The following FAM193A variants were observed in gnomAD, a reference collection of about 807,000 sequenced individuals.
The protein encoded by FAM193A is family with sequence similarity 193 member A.
FAM193A carries 22 observed loss-of-function variants against 126.5 expected under a neutral mutation model. That is an observed-to-expected ratio of 0.17 (90% CI 0.12 to 0.25). FAM193A has a LOEUF of 0.25. FAM193A is among the 10% of genes least tolerant of loss of function. The pLI is 1.00. For synonymous variants in FAM193A, 761 were observed against 646.8 expected, an observed-to-expected ratio of 1.18 and a Z score of -2.68; for missense variants, 1,675 against 1,672.8, an observed-to-expected ratio of 1.00 and a Z score of -0.02.
intron 2 of FAM193A, chr4:2,607,903 CT>C: frequency 1.0e-6 from 1 of 1,004,364 alleles, no homozygotes; most frequent in Non-Finnish European, 1.4e-6. Context: ...TCTTTTTTGT[CT>C]GTTTTTCACT....
At chr4:2,702,036 T>G (rs1322048144) in intron 19 of FAM193A, among the ~76,000 whole-genome samples, 1 of 152,196 alleles carries the variant, frequency 6.6e-6, no homozygotes, top group Non-Finnish European at 1.5e-5. Context: ...CCTCCCAAAG[T>G]GCTGGGATTA....
rs757389800 is a variant in FAM193A, at chr4:2,625,284, C to T, written c.524C>T (p.Ser175Phe). The T allele has an allele frequency of 1.4e-6, 1 of 702,798 alleles. No homozygotes were observed. The highest frequency in any genetic ancestry group is 1.5e-5 in the South Asian group (1 of 67,572). 43.5% of individuals were successfully genotyped at this position (702,798 alleles called of 1,614,324 possible). The change falls in exon 3 of 21, where the codon TCC becomes TTC. Residue 175 changes from serine to phenylalanine, a missense_variant. This residue lies in a region of FAM193A where 1,186 missense variants were observed against 1,109.2 expected (regional missense o/e 1.07). Coordinates refer to ENST00000637812, the MANE Select transcript of FAM193A (RefSeq NM_001366318.2). ...CAGAGCCAAGATTTTCTTCTTCACT[C>T]CTCGCTTGGTGGCTCCCAGCCAGAG... Reference protein sequence around the residue: ...QPVSQDFLLHSSLGGSQPEAG... With the variant: ...QPVSQDFLLHFSLGGSQPEAG...
At chr4:2,640,601 A>G (rs997293495) in intron 6 of FAM193A, among the ~76,000 whole-genome samples, 2 of 152,102 alleles carry the variant, frequency 1.3e-5, no homozygotes, top group Non-Finnish European at 2.9e-5. Flanking sequence ...GTTTTATTCT[A>G]TTTACCACAT....
intron 1 of FAM193A, among the ~76,000 whole-genome samples, chr4:2,552,430 C>T (rs28848271): frequency 0.33 from 49,902 of 151,920 alleles, 9,670 homozygotes; most frequent in Admixed American, 0.53. Flanking sequence ...GGATTATAGG[C>T]GTGAGCCACC....
rs963264565 is a variant in FAM193A, at chr4:2,536,966, GGGCGGC to G, written c.61_66del (p.Gly21_Gly22del). On this transcript the variant is annotated inframe_deletion, in exon 1 of 21. Coordinates refer to ENST00000637812, the MANE Select transcript of FAM193A (RefSeq NM_001366318.2). The stretch of plus-strand genomic sequence containing the variant: ...GGGCCAAGCGCCGGAAGAACAAGCG[GGGCGGC>G]GGCGGCGGCTCGGGCGGGGGTAACG... 1 of 149,348 alleles carries G rather than the reference GGGCGGC, an allele frequency of 6.7e-6. No individual in the cohort carries two copies. The highest frequency in any genetic ancestry group is 1.5e-5 in the Non-Finnish European group (1 of 67,400). The allele number at this position is 149,348 out of a possible 1,614,324, so 9.3% of individuals were successfully genotyped here. A position where few individuals can be genotyped will look rare whatever the true frequency, so the allele number is the denominator to read the frequency against.
chr4:2,545,802 C>G (rs1255530529), intron 1 of FAM193A, among the ~76,000 whole-genome samples: 2 of 152,204 alleles, frequency 1.3e-5, no homozygotes. Context: ...CCACCTCAGC[C>G]TCCCAGGTAG....
At chr4:2,584,185 T>A (rs546405108) in intron 1 of FAM193A, among the ~76,000 whole-genome samples, 8 of 152,296 alleles carry the variant, frequency 5.3e-5, no homozygotes, top group African/African-American at 1.7e-4. Flanking sequence ...TCATATCCAG[T>A]TGTGTACCAT....
At chr4:2,560,918 A>G (rs1038589565) in intron 1 of FAM193A, among the ~76,000 whole-genome samples, 22 of 152,002 alleles carry the variant, frequency 1.4e-4, no homozygotes, top group African/African-American at 5.3e-4. Context: ...CTCCCAAAGT[A>G]CTGGGATTAC....
chr4:2,538,214 T>C (rs548809915), intron 1 of FAM193A, among the ~76,000 whole-genome samples: 34 of 152,258 alleles, frequency 2.2e-4, no homozygotes, highest in African/African-American at 8.2e-4. Flanking sequence ...TTTTTTTCTT[T>C]TGAGAACGGA....
At chr4:2,628,710 C>T (rs1380698823) in intron 4 of FAM193A, among the ~76,000 whole-genome samples, 1 of 152,168 alleles carries the variant, frequency 6.6e-6, no homozygotes, top group African/African-American at 2.4e-5. Context: ...ACGTCAAACC[C>T]ATGACTTCAC....
chr4:2,691,557 T>A (rs77734969), intron 15 of FAM193A, among the ~76,000 whole-genome samples: 2,945 of 152,076 alleles, frequency 0.019, 44 homozygotes, highest in Non-Finnish European at 0.032. Context: ...GGCTGTCACT[T>A]AGGGGGCCCA....
chr4:2,611,060 G>A (rs1741841987), intron 2 of FAM193A, among the ~76,000 whole-genome samples: 2 of 151,750 alleles, frequency 1.3e-5, no homozygotes, highest in African/African-American at 4.8e-5. Context: ...TTAAGTGGAT[G>A]CAATTTACTT....
At chr4:2,688,121 T>G (rs1310224497) in intron 13 of FAM193A, among the ~76,000 whole-genome samples, 1 of 152,168 alleles carries the variant, frequency 6.6e-6, no homozygotes, top group Non-Finnish European at 1.5e-5. Flanking sequence ...GAAGTCCTGC[T>G]GAGGGAGAAC....
At chr4:2,540,948 A>T (rs535055735) in intron 1 of FAM193A, among the ~76,000 whole-genome samples, 1 of 149,262 alleles carries the variant, frequency 6.7e-6, no homozygotes, top group East Asian at 2.0e-4. Context: ...GCGACAGTGC[A>T]AGACTGTGTC....
chr4:2,575,499 T>C (rs1270677422), intron 1 of FAM193A, among the ~76,000 whole-genome samples: 12 of 150,976 alleles, frequency 7.9e-5, no homozygotes, highest in Non-Finnish European at 1.5e-4. Context: ...CTGAGTCTTG[T>C]TCTGTCACCC....
chr4:2,703,335 C>T (rs771420451), intron 19 of FAM193A, among the ~76,000 whole-genome samples: 3 of 152,176 alleles, frequency 2.0e-5, no homozygotes, highest in Non-Finnish European at 2.9e-5. Flanking sequence ...CATCCTCCAC[C>T]CCCCAGGTTG....
chr4:2,608,468 C>T (rs1013981229), intron 2 of FAM193A, among the ~76,000 whole-genome samples: 6 of 152,182 alleles, frequency 3.9e-5, no homozygotes, highest in African/African-American at 1.2e-4. Flanking sequence ...CTGCCACGGC[C>T]TCCCAAAGTG....
At chr4:2,628,853 CTTTT>C (rs71178496) in intron 4 of FAM193A, among the ~76,000 whole-genome samples, 2 of 71,736 alleles carry the variant, frequency 2.8e-5, no homozygotes, top group Admixed American at 2.3e-4. Context: ...CTGTCTCTCT[CTTTT>C]TTTTTTTTTT....
intron 5 of FAM193A, among the ~76,000 whole-genome samples, chr4:2,638,725 AT>A (rs1235203569): frequency 0.029 from 4,357 of 152,258 alleles, 220 homozygotes; most frequent in African/African-American, 0.099. Flanking sequence ...TTCAATCATT[AT>A]AATCATTATA....
Sources: gnomAD v4.1 joint callset for allele counts (sites outside exome capture counted in the v4.1 genomes callset) on GRCh38, gnomAD v4.1.1 for gene constraint, gnomAD v4.1.1 regional missense constraint, MANE v1.5 for transcripts, NCBI Gene and HGNC (gene_info 2026-07-23, HGNC 2026-07-21) for gene names.